The following LMBRD1 variants were observed in gnomAD, a reference collection of about 807,000 sequenced individuals.
LMBRD1 encodes LMBR1 domain containing 1, also known as lysosomal cobalamin transport escort protein LMBD1.
In LMBRD1, 64 loss-of-function variants were observed where a neutral mutation model predicts 74.8. The ratio of observed to expected loss-of-function variants is 0.86; its 90% confidence interval spans 0.70 to 1.05. LMBRD1 has a LOEUF of 1.05. Ranked by LOEUF, LMBRD1 falls within the 50% of genes least tolerant of loss-of-function variation. The pLI, the probability that LMBRD1 is intolerant of heterozygous loss-of-function variation, is 0.00. For missense variants in LMBRD1, 652 were observed against 645.9 expected (o/e 1.01, Z -0.10); for synonymous variants, 204 against 216.3 (o/e 0.94, Z 0.50).
intron 3 of LMBRD1, among the ~76,000 whole-genome samples, chr6:69,778,326 G>A (rs1765748721): frequency 6.6e-6 from 1 of 152,182 alleles, no homozygotes; most frequent in South Asian, 2.1e-4. Context: ...CATTTAAAAT[G>A]ATACTAAGGG....
At chr6:69,779,227 T>A (rs11966540) in intron 3 of LMBRD1, among the ~76,000 whole-genome samples, 15,983 of 148,650 alleles carry the variant, frequency 0.11, 2,525 homozygotes, top group African/African-American at 0.35. Context: ...CGAAAACATA[T>A]CCCATCCATA....
At chr6:69,733,924 T>C (rs1158301551) in intron 7 of LMBRD1, among the ~76,000 whole-genome samples, 1 of 152,214 alleles carries the variant, frequency 6.6e-6, no homozygotes, top group African/African-American at 2.4e-5. Flanking sequence ...TTTAAGCTAA[T>C]AGTGACTATT....
intron 14 of LMBRD1, among the ~76,000 whole-genome samples, chr6:69,697,025 G>GA (rs958991895): frequency 7.9e-4 from 106 of 134,942 alleles, no homozygotes; most frequent in Middle Eastern, 4.0e-3. Context: ...AACTCACATA[G>GA]AAAAAAAAAA....
chr6:69,732,558 G>A (rs573240479), intron 7 of LMBRD1, among the ~76,000 whole-genome samples: 4 of 151,882 alleles, frequency 2.6e-5, no homozygotes, highest in African/African-American at 9.7e-5. Context: ...ACATTTGATG[G>A]GTACAAGAAG....
In LMBRD1 at chr6:69,755,023, G is replaced by C. The variant is rs527330057; in HGVS notation, c.308-2667C>G. 2.4e-4 allele frequency among the ~76,000 whole-genome samples: 36 copies of C among 152,260 alleles called. No homozygotes were observed. The South Asian group carries it at 7.3e-3, about 31-fold the overall frequency. On this transcript the variant is annotated intron_variant, in intron 3 of 15. Transcript: ENST00000649934. ...CAACCATTGTGGAAGACAGTGTGGC[G>C]ATTCCTCAAGGATTTAGAACCAGAA...
intron 15 of LMBRD1, 56 bp from the exon 16 acceptor site, chr6:69,676,327 T>C: frequency 1.3e-6 from 2 of 1,589,518 alleles, no homozygotes; most frequent in Non-Finnish European, 1.7e-6. Flanking sequence ...ATCTGGAAAG[T>C]AATGCTTTAA....
At chr6:69,711,684 T>C (rs1766386890) in intron 9 of LMBRD1, among the ~76,000 whole-genome samples, 1 of 152,102 alleles carries the variant, frequency 6.6e-6, no homozygotes, top group African/African-American at 2.4e-5. Flanking sequence ...ATTAACTGAT[T>C]ATGGTATATT....
intron 14 of LMBRD1, among the ~76,000 whole-genome samples, chr6:69,684,374 C>A: frequency 6.6e-6 from 1 of 150,892 alleles, no homozygotes. Context: ...AAAAGAATTC[C>A]CCAAAGAGAA....
In LMBRD1 at chr6:69,770,234, A is replaced by G. The variant is rs550312644; in HGVS notation, c.307+10260T>C. Among the ~76,000 whole-genome samples, 26 of 152,310 alleles carry G rather than the reference A, an allele frequency of 1.7e-4. No individual in the cohort carries two copies. The South Asian group carries it at 5.4e-3, about 32-fold the overall frequency. On this transcript the variant is annotated intron_variant, in intron 3 of 15. Transcript: ENST00000649934. ...ACCCAACTGAGTGAGTCCCCTTCTG[A>G]TACAGCAGTACAGCTGTAGGTCCTC... is the stretch of plus-strand genomic sequence containing the variant.
intron 2 of LMBRD1, among the ~76,000 whole-genome samples, chr6:69,787,198 A>T (rs1765970636): frequency 6.6e-6 from 1 of 152,230 alleles, no homozygotes; most frequent in South Asian, 2.1e-4. Flanking sequence ...TAATAACTTT[A>T]GGAAAAACTA....
chr6:69,680,496 ATTTT>A (rs1441806792), intron 14 of LMBRD1, among the ~76,000 whole-genome samples: 1 of 152,128 alleles, frequency 6.6e-6, no homozygotes, highest in Admixed American at 6.6e-5. Context: ...ACTTAGTGAC[ATTTT>A]AAATTGGCTT....
At chr6:69,763,308 T>C (rs1765410426) in intron 3 of LMBRD1, among the ~76,000 whole-genome samples, 1 of 151,600 alleles carries the variant, frequency 6.6e-6, no homozygotes. Context: ...CCTATCCACA[T>C]TGCAAAAAAA....
intron 14 of LMBRD1, among the ~76,000 whole-genome samples, chr6:69,693,646 A>G (rs899604557): frequency 1.3e-5 from 2 of 151,998 alleles, no homozygotes; most frequent in African/African-American, 2.4e-5. Context: ...GTTATTTATT[A>G]TAGTATCATT....
intron 7 of LMBRD1, among the ~76,000 whole-genome samples, chr6:69,721,786 G>A (rs979514797): frequency 1.3e-5 from 2 of 152,196 alleles, no homozygotes; most frequent in South Asian, 2.1e-4. Context: ...TAGACTCTTA[G>A]AGGACAGCAT....
intron 3 of LMBRD1, among the ~76,000 whole-genome samples, chr6:69,768,346 A>G (rs753317145): frequency 1.3e-5 from 2 of 151,958 alleles, no homozygotes; most frequent in Non-Finnish European, 2.9e-5. Flanking sequence ...TACATAAAAT[A>G]AGTATATTTT....
At chr6:69,748,345 A>C (rs1562110909) in intron 5 of LMBRD1, among the ~76,000 whole-genome samples, 1 of 147,444 alleles carries the variant, frequency 6.8e-6, no homozygotes, top group East Asian at 1.9e-4. Flanking sequence ...TTAAAAAGCC[A>C]AAAAAATACT....
At chr6:69,729,902 A>G (rs1766819021) in intron 7 of LMBRD1, among the ~76,000 whole-genome samples, 1 of 152,096 alleles carries the variant, frequency 6.6e-6, no homozygotes, top group South Asian at 2.1e-4. Context: ...ATAAAACATT[A>G]TAACTTTTAA....
chr6:69,728,328 ACAATT>A (rs770497246), intron 7 of LMBRD1, among the ~76,000 whole-genome samples: 1 of 152,232 alleles, frequency 6.6e-6, no homozygotes, highest in Non-Finnish European at 1.5e-5. Context: ...ACTCGGGATC[ACAATT>A]CAACATGAGA....
At chr6:69,775,959 A>C (rs9346351) in intron 3 of LMBRD1, among the ~76,000 whole-genome samples, 1 of 152,068 alleles carries the variant, frequency 6.6e-6, no homozygotes, top group Non-Finnish European at 1.5e-5. Context: ...GAAGCTTTCA[A>C]GAGAAAATTA....
Sources: gnomAD v4.1 joint callset for allele counts (sites outside exome capture counted in the v4.1 genomes callset) on GRCh38, gnomAD v4.1.1 for gene constraint, MANE v1.5 for transcripts, NCBI Gene and HGNC (gene_info 2026-07-23, HGNC 2026-07-21) for gene names.